Variants in FAR2 observed in about 807,000 individuals in gnomAD.
FAR2 encodes epididymis secretory protein Li 81.
Under a neutral mutation model 56.0 loss-of-function variants are expected in FAR2, and 19 were observed. That is an observed-to-expected ratio of 0.34 (90% CI 0.24 to 0.50). The LOEUF (loss-of-function observed/expected upper bound fraction) is 0.50. Among genes scored for constraint, FAR2 ranks in the 20% least tolerant of loss-of-function variants. FAR2 has a pLI of 0.98. For synonymous variants in FAR2, 219 were observed against 218.8 expected, an observed-to-expected ratio of 1.00 and a Z score of -0.01; for missense variants, 508 against 642.2, an observed-to-expected ratio of 0.79 and a Z score of 2.26.
At chr12:29,316,222 A>G (rs548945075) in intron 8 of FAR2, among the ~76,000 whole-genome samples, 5 of 152,340 alleles carry the variant, frequency 3.3e-5, no homozygotes, top group Admixed American at 6.5e-5. Flanking sequence ...TACTGAATTC[A>G]CAAATGTACA....
chr12:29,156,811 C>T (rs1949731543), intron 1 of FAR2: 1 of 151,928 alleles, frequency 6.6e-6, no homozygotes, highest in Non-Finnish European at 1.5e-5. Context: ...GCTGCCACAG[C>T]ATAGGGGGAG....
At chr12:29,256,019 A>C (rs1331597631) in intron 1 of FAR2, among the ~76,000 whole-genome samples, 1 of 151,842 alleles carries the variant, frequency 6.6e-6, no homozygotes, top group Non-Finnish European at 1.5e-5. Context: ...ACAGGTGCCC[A>C]CCACCATGCC....
rs752392581 is a variant in FAR2 at position 29,293,484 on chromosome 12, C to T, written c.365+9C>T. 6.6e-7 allele frequency: 1 copy of T among 1,518,696 alleles called. No homozygotes were observed. Among genetic ancestry groups the T allele is most frequent in the South Asian group, 1.3e-5 (1 of 77,030 alleles). The allele number at this position is 1,518,696 out of a possible 1,614,324, so 94.1% of individuals were successfully genotyped here. Reference sequence around the variant, plus strand: ...TTTGACGACACTCTCAGGTACATTCCCATTTCCCTCTCATGGCTTGTATAC... The same window carrying T: ...TTTGACGACACTCTCAGGTACATTCTCATTTCCCTCTCATGGCTTGTATAC... On this transcript the variant is annotated intron_variant, in intron 3 of 11. Coordinates refer to ENST00000536681, the MANE Select transcript of FAR2 (RefSeq NM_001271783.2).
intron 2 of FAR2, 120 bp from the exon 3 acceptor site, chr12:29,293,180 A>T: frequency 1.3e-6 from 1 of 796,286 alleles, no homozygotes; most frequent in Non-Finnish European, 1.8e-6. Flanking sequence ...TGTCTTCTTT[A>T]AGTAATGTTA....
At chr12:29,249,096 T>G (rs1471689227) in intron 1 of FAR2, among the ~76,000 whole-genome samples, 2 of 152,176 alleles carry the variant, frequency 1.3e-5, no homozygotes, top group African/African-American at 4.8e-5. Context: ...ATTAAGAGAT[T>G]AAAGTAAAGA....
intron 5 of FAR2, 123 bp from the exon 6 acceptor site, chr12:29,309,063 A>G: frequency 1.4e-6 from 1 of 733,774 alleles, no homozygotes; most frequent in Non-Finnish European, 2.4e-6. Context: ...ACTGAATTAG[A>G]TAGTTCTATT....
At chr12:29,161,351 C>T (rs917157998) in intron 1 of FAR2, among the ~76,000 whole-genome samples, 3 of 152,212 alleles carry the variant, frequency 2.0e-5, no homozygotes, top group African/African-American at 7.2e-5. Flanking sequence ...CAAGTTCAAA[C>T]ATAGATTAGC....
Position 29,316,990 on chromosome 12 carries a change from C to T in FAR2, c.1105C>T (p.Arg369Trp), listed in dbSNP as rs1293793663. The T allele has an allele frequency of 5.6e-6, 9 of 1,613,108 alleles. No individual in the cohort carries two copies. The highest frequency in any genetic ancestry group is 2.2e-5 in the South Asian group (2 of 91,022). ...TGCCATTATCTATGACTGCTATCTG[C>T]GGCTCACTGGAAGGAAGCCCAGGTG... ...APAIIYDCYL[R>W]LTGRKPRMTK... Residue 369 changes from arginine to tryptophan, a missense_variant, in exon 9 of 12, where the codon CGG becomes TGG. Physicochemically the swap from Arg to Trp is moderately radical, Grantham distance 101 (BLOSUM62 -3). Coordinates refer to ENST00000536681, the MANE Select transcript of FAR2 (RefSeq NM_001271783.2).
At chr12:29,306,110 CAAATGAAATG>C (rs1047888526) in intron 4 of FAR2, among the ~76,000 whole-genome samples, 3 of 152,010 alleles carry the variant, frequency 2.0e-5, no homozygotes, top group Non-Finnish European at 2.9e-5. Context: ...GTTGACCCAC[CAAATGAAATG>C]AGATAGTGGT....
chr12:29,190,625 C>T (rs561440183), intron 1 of FAR2, among the ~76,000 whole-genome samples: 3 of 152,122 alleles, frequency 2.0e-5, no homozygotes, highest in South Asian at 4.2e-4. Flanking sequence ...CCACCACACC[C>T]GGCTAATTTT....
intron 1 of FAR2, among the ~76,000 whole-genome samples, chr12:29,268,695 T>A (rs1316064528): frequency 6.6e-6 from 1 of 152,132 alleles, no homozygotes; most frequent in Non-Finnish European, 1.5e-5. Context: ...AACAAAACTA[T>A]ATTATTTATT....
intron 7 of FAR2, among the ~76,000 whole-genome samples, chr12:29,311,552 A>G (rs1434139151): frequency 6.6e-6 from 1 of 152,024 alleles, no homozygotes; most frequent in Non-Finnish European, 1.5e-5. Flanking sequence ...TTCCTGGTAC[A>G]AAGGAAAAAA....
At chr12:29,299,338 C>A (rs1286957094) in intron 4 of FAR2, among the ~76,000 whole-genome samples, 2 of 151,924 alleles carry the variant, frequency 1.3e-5, no homozygotes, top group East Asian at 1.9e-4. Context: ...ACACTAAATA[C>A]CCCTAGGTTT....
chr12:29,246,093 A>G (rs2136670495), intron 1 of FAR2, among the ~76,000 whole-genome samples: 1 of 151,876 alleles, frequency 6.6e-6, no homozygotes, highest in African/African-American at 2.4e-5. Context: ...TTTTTTTAAT[A>G]TATACATCAA....
At chr12:29,291,045 C>T (rs1948956512) in intron 2 of FAR2, among the ~76,000 whole-genome samples, 1 of 152,126 alleles carries the variant, frequency 6.6e-6, no homozygotes, top group Admixed American at 6.5e-5. Flanking sequence ...ATAGATACCC[C>T]TTCTCCATGA....
chr12:29,262,838 C>G (rs1358831338), intron 1 of FAR2, among the ~76,000 whole-genome samples: 1 of 152,080 alleles, frequency 6.6e-6, no homozygotes, highest in African/African-American at 2.4e-5. Flanking sequence ...GCTCTCTAAT[C>G]AAAAGTTATA....
intron 1 of FAR2, among the ~76,000 whole-genome samples, chr12:29,174,307 T>A (rs911508220): frequency 1.3e-5 from 2 of 152,116 alleles, no homozygotes; most frequent in Non-Finnish European, 2.9e-5. Flanking sequence ...AAATATGTCT[T>A]TCTGATTGAT....
intron 1 of FAR2, among the ~76,000 whole-genome samples, chr12:29,195,068 C>T (rs1950134209): frequency 6.6e-6 from 1 of 152,168 alleles, no homozygotes; most frequent in South Asian, 2.1e-4. Context: ...CTTTTGATCA[C>T]TGTTAGGAAA....
chr12:29,175,887 A>G (rs1949933439), intron 1 of FAR2, among the ~76,000 whole-genome samples: 1 of 152,216 alleles, frequency 6.6e-6, no homozygotes, highest in African/African-American at 2.4e-5. Flanking sequence ...AAGTTCTTCA[A>G]GTCCCCACTC....
Sources: gnomAD v4.1 joint callset for allele counts (sites outside exome capture counted in the v4.1 genomes callset) on GRCh38, gnomAD v4.1.1 for gene constraint, MANE v1.5 for transcripts, NCBI Gene and HGNC (gene_info 2026-07-23, HGNC 2026-07-21) for gene names.